UST: variants seen among roughly 807,000 people sequenced by gnomAD.
UST encodes the protein uronyl 2-sulfotransferase.
Under a neutral mutation model 45.6 loss-of-function variants are expected in UST, and 21 were observed. That is an observed-to-expected ratio of 0.46 (90% CI 0.33 to 0.66). The LOEUF (loss-of-function observed/expected upper bound fraction) is 0.66, where lower values mean the gene tolerates loss of function less well. Among genes scored for constraint, UST ranks in the 30% least tolerant of loss-of-function variants. The pLI, the probability that UST is intolerant of heterozygous loss-of-function variation, is 0.02. For missense variants in UST, 463 were observed against 512.4 expected (o/e 0.90, Z 0.93); for synonymous variants, 215 against 200.6 (o/e 1.07, Z -0.61).
intron 7 of UST, among the ~76,000 whole-genome samples, chr6:149,032,141 C>A (rs1341145145): frequency 2.0e-5 from 3 of 152,162 alleles, no homozygotes; most frequent in South Asian, 2.1e-4. Context: ...TGTGGCGCAA[C>A]CTGGCACTGA....
chr6:148,912,144 C>A (rs1779488152), intron 2 of UST, among the ~76,000 whole-genome samples: 1 of 152,194 alleles, frequency 6.6e-6, no homozygotes, highest in Non-Finnish European at 1.5e-5. Context: ...TTGCAGTGAG[C>A]CGAGATCATG....
At position 148,748,210 on chromosome 6, in the gene UST, G is replaced by T. The variant is rs1775914743; in HGVS notation, c.247+533G>T. ...CCGCCGGCCCTAGTGGCTCCGCGCT[G>T]TCCCCGGGCTGGCTTGTCCCTTGGC... is the stretch of plus-strand genomic sequence containing the variant. On this transcript the variant is annotated intron_variant, in intron 1 of 7. Transcript: ENST00000367463. This position sits in a 1 kb window ranked among gnomAD's most constrained non-coding sequence, Gnocchi z 5.3. Among the ~76,000 whole-genome samples the T allele has an allele frequency of 6.6e-6, 1 of 152,110 alleles. No individual in the cohort carries two copies. Among genetic ancestry groups the T allele is most frequent in the Admixed American group, 6.5e-5 (1 of 15,276 alleles).
At chr6:148,849,278 T>C (rs923032611) in intron 1 of UST, among the ~76,000 whole-genome samples, 6 of 152,212 alleles carry the variant, frequency 3.9e-5, no homozygotes, top group Admixed American at 3.9e-4. Context: ...GCCATAGAGC[T>C]GAATGTAAAA....
At chr6:148,938,713 A>G (rs1417906208) in intron 2 of UST, among the ~76,000 whole-genome samples, 1 of 151,968 alleles carries the variant, frequency 6.6e-6, no homozygotes, top group Non-Finnish European at 1.5e-5. Context: ...TCTTTATTGC[A>G]GATAAAAATG....
chr6:148,994,395 G>A (rs779035883), intron 5 of UST, among the ~76,000 whole-genome samples: 1 of 152,182 alleles, frequency 6.6e-6, no homozygotes, highest in Non-Finnish European at 1.5e-5. Context: ...AGGAGAAAAT[G>A]TTGGTTCTGA....
chr6:148,776,168 T>A (rs1346296651), intron 1 of UST, among the ~76,000 whole-genome samples: 2 of 152,168 alleles, frequency 1.3e-5, no homozygotes, highest in Admixed American at 1.3e-4. Flanking sequence ...AAGAAAGATC[T>A]CTTTAAATAC....
At chr6:148,936,074 T>G (rs1311968211) in intron 2 of UST, among the ~76,000 whole-genome samples, 1 of 152,232 alleles carries the variant, frequency 6.6e-6, no homozygotes, top group Non-Finnish European at 1.5e-5. Context: ...TAAAGAAGTG[T>G]CATCTTAGGA....
chr6:148,783,427 C>G (rs780925727), intron 1 of UST, among the ~76,000 whole-genome samples: 1 of 152,196 alleles, frequency 6.6e-6, no homozygotes, highest in Non-Finnish European at 1.5e-5. Flanking sequence ...TTCTCATTGA[C>G]TAACAGAGCT....
At chr6:148,921,743 G>A (rs1779711593) in intron 2 of UST, among the ~76,000 whole-genome samples, 1 of 152,152 alleles carries the variant, frequency 6.6e-6, no homozygotes, top group African/African-American at 2.4e-5. Context: ...GCACAGGAAG[G>A]GGACAGAGGC....
Position 148,907,666 on chromosome 6 carries a change from A to G in UST, c.291+20637A>G, listed in dbSNP as rs535806843. Among the ~76,000 whole-genome samples the G allele has an allele frequency of 1.1e-4, 17 of 152,256 alleles. 1 individual carries two copies. The East Asian group carries it at 1.7e-3, about 16-fold the overall frequency. On this transcript the variant is annotated intron_variant, in intron 2 of 7. Coordinates refer to ENST00000367463, the MANE Select transcript of UST (RefSeq NM_005715.3). The stretch of plus-strand genomic sequence containing the variant: ...CAGTCATTTCTTTGGTTTATTTAGC[A>G]CTGGCTCAGGTACTAGTTTCAGGGT...
At chr6:148,978,306 A>G (rs906321546) in intron 5 of UST, among the ~76,000 whole-genome samples, 53 of 152,332 alleles carry the variant, frequency 3.5e-4, no homozygotes, top group African/African-American at 1.2e-3. Flanking sequence ...ATATACCCAA[A>G]GGATTATACA....
At position 148,766,182 on chromosome 6, in the gene UST, A is replaced by G. The variant is rs113572540; in HGVS notation, c.247+18505A>G. On this transcript the variant is annotated intron_variant, in intron 1 of 7. Transcript: ENST00000367463. ...ATAATGCGTTTCTGTGCCAAAATAT[A>G]GCCTCTCTTCCCCAGATTTTTTCCC... Among the ~76,000 whole-genome samples, 1,484 of 152,276 alleles carry G rather than the reference A, an allele frequency of 9.7e-3. 30 individuals are homozygous for G. The highest frequency in any genetic ancestry group is 0.032 in the African/African-American group (1,349 of 41,548).
chr6:148,821,405 G>A (rs1029050042), intron 1 of UST, among the ~76,000 whole-genome samples: 1 of 152,156 alleles, frequency 6.6e-6, no homozygotes, highest in Non-Finnish European at 1.5e-5. Flanking sequence ...GTGCAGAAGG[G>A]AGGCTGAGTT....
chr6:149,031,779 C>T (rs1776146543), intron 7 of UST, among the ~76,000 whole-genome samples: 1 of 152,208 alleles, frequency 6.6e-6, no homozygotes, highest in East Asian at 1.9e-4. Flanking sequence ...TCTGTGATGT[C>T]CCTTTCCTGG....
At chr6:148,962,818 T>C (rs908442180) in intron 4 of UST, among the ~76,000 whole-genome samples, 24 of 152,248 alleles carry the variant, frequency 1.6e-4, no homozygotes, top group Admixed American at 2.6e-4. Flanking sequence ...CTCTGAAGAT[T>C]CTTTTTAAAA....
At chr6:148,952,680 T>G (rs887718921) in intron 3 of UST, among the ~76,000 whole-genome samples, 2 of 152,212 alleles carry the variant, frequency 1.3e-5, no homozygotes, top group Admixed American at 6.5e-5. Flanking sequence ...AGACTCTTAT[T>G]TTATTGTTCT....
At chr6:149,027,804 A>T (rs1428327499) in intron 7 of UST, 2 of 151,398 alleles carry the variant, frequency 1.3e-5, no homozygotes, top group Non-Finnish European at 2.9e-5. Context: ...AGTATGTCAT[A>T]ATGCAGTCAA....
intron 1 of UST, among the ~76,000 whole-genome samples, chr6:148,857,346 A>G (rs1335113749): frequency 1.3e-5 from 2 of 152,142 alleles, no homozygotes; most frequent in Non-Finnish European, 2.9e-5. Flanking sequence ...TATTCCTTTT[A>G]TCACAACTGA....
At chr6:148,859,708 A>G (rs1419367643) in intron 1 of UST, among the ~76,000 whole-genome samples, 6 of 152,352 alleles carry the variant, frequency 3.9e-5, no homozygotes, top group South Asian at 2.1e-4. Context: ...AGCTTTCTAC[A>G]TATGGCCAGC....
Sources: gnomAD v4.1 joint callset for allele counts (sites outside exome capture counted in the v4.1 genomes callset) on GRCh38, gnomAD v4.1.1 for gene constraint, Gnocchi (gnomAD v3.1) non-coding constraint, MANE v1.5 for transcripts, NCBI Gene and HGNC (gene_info 2026-07-23, HGNC 2026-07-21) for gene names.